STON2: variants seen among roughly 807,000 people sequenced by gnomAD.
STON2 encodes stonin-2.
Under a neutral mutation model 65.7 loss-of-function variants are expected in STON2, and 29 were observed. The ratio of observed to expected loss-of-function variants is 0.44; its 90% CI spans 0.33 to 0.60. STON2 has a LOEUF of 0.60. Ranked by LOEUF, STON2 falls within the 20% of genes least tolerant of loss-of-function variation. The probability of loss-of-function intolerance (pLI) is 0.03; values close to 1 mark genes in which losing one functional copy is unlikely to be tolerated. For missense variants in STON2, 1,054 were observed against 1,118.1 expected (o/e 0.94, Z 0.82); for synonymous variants, 404 against 414.2 (o/e 0.98, Z 0.30).
rs894014238 is a variant in STON2 at position 81,266,937 on chromosome 14, C to T, written c.*1477G>A. 1.3e-4 allele frequency: 126 copies of T among 984,772 alleles called. No homozygotes were observed. Among genetic ancestry groups the T allele is most frequent in the Non-Finnish European group, 1.4e-4 (120 of 829,460 alleles). The allele number at this position is 984,772 out of a possible 1,614,324, so 61.0% of individuals were successfully genotyped here. ...GCCTATTCAATCATCATTTTACTTT[C>T]AGTCTTAGTTCAGATATTTCAAAAT... On this transcript the variant is annotated 3_prime_UTR_variant, in exon 8 of 8. Coordinates refer to ENST00000614646, the MANE Select transcript of STON2 (RefSeq NM_001394390.1).
chr14:81,323,844 TA>T (rs1896907952), intron 5 of STON2, among the ~76,000 whole-genome samples, 172 bp downstream of exon 5: 1 of 152,170 alleles, frequency 6.6e-6, no homozygotes, highest in African/African-American at 2.4e-5. Context: ...TTACAACTTC[TA>T]ATAAACCCTC....
chr14:81,422,232 G>A (rs1015430406), intron 2 of STON2, among the ~76,000 whole-genome samples: 5 of 152,142 alleles, frequency 3.3e-5, no homozygotes, highest in African/African-American at 9.7e-5. Flanking sequence ...TCACAGGAGT[G>A]AGTGAGTTCT....
At chr14:81,366,493 A>G (rs555227466) in intron 4 of STON2, among the ~76,000 whole-genome samples, 1 of 152,110 alleles carries the variant, frequency 6.6e-6, no homozygotes, top group East Asian at 1.9e-4. Context: ...AGCTCAGCTG[A>G]GGGAGCTCCG....
At chr14:81,357,680 CAT>C (rs1898304422) in intron 4 of STON2, among the ~76,000 whole-genome samples, 1 of 152,066 alleles carries the variant, frequency 6.6e-6, no homozygotes, top group Non-Finnish European at 1.5e-5. Context: ...AAATGTGGCA[CAT>C]ATACACCATG....
chr14:81,367,108 T>C (rs1361253910), intron 4 of STON2, among the ~76,000 whole-genome samples: 2 of 152,154 alleles, frequency 1.3e-5, no homozygotes, highest in Non-Finnish European at 2.9e-5. Flanking sequence ...GGGCATCACC[T>C]GGCTGGAGGG....
chr14:81,365,544 T>C (rs117399963), intron 4 of STON2, among the ~76,000 whole-genome samples: 4,720 of 152,098 alleles, frequency 0.031, 119 homozygotes, highest in South Asian at 0.074. Flanking sequence ...TCACTTGAGG[T>C]TAGGAGTTCG....
At chr14:81,358,107 T>C (rs1486944828) in intron 4 of STON2, among the ~76,000 whole-genome samples, 1 of 152,082 alleles carries the variant, frequency 6.6e-6, no homozygotes, top group Non-Finnish European at 1.5e-5. Flanking sequence ...CAGAGCCATA[T>C]TCAGAATACT....
At chr14:81,324,266 AGGAG>A (rs892850812) in intron 4 of STON2, among the ~76,000 whole-genome samples, 79 bp from the exon 5 acceptor site, 2 of 152,218 alleles carry the variant, frequency 1.3e-5, no homozygotes, top group African/African-American at 4.8e-5. Flanking sequence ...CACACCCAGG[AGGAG>A]GGAGAGGCCA....
At position 81,378,662 on chromosome 14, in the gene STON2, A is replaced by G. The variant is rs1256525256; in HGVS notation, c.374-7477T>C. ...TATATTTTGTTTACTTTTGTACTGT[A>G]TATATATATTATAGCTATTCTGTAT... On this transcript the variant is annotated intron_variant, in intron 3 of 7. Transcript: ENST00000614646. Among the ~76,000 whole-genome samples, 4 of 152,204 alleles carry G rather than the reference A, an allele frequency of 2.6e-5. No individual in the cohort carries two copies. The East Asian group carries it at 5.8e-4, about 22-fold the overall frequency.
Position 81,391,743 on chromosome 14 carries a change from T to C in STON2, c.373+4151A>G, listed in dbSNP as rs79675865. Among the ~76,000 whole-genome samples the C allele has an allele frequency of 1.2e-3, 185 of 152,312 alleles. 4 individuals are homozygous for C. The East Asian group carries it at 0.032, about 27-fold the overall frequency. On this transcript the variant is annotated intron_variant, in intron 3 of 7. Coordinates refer to ENST00000614646, the MANE Select transcript of STON2 (RefSeq NM_001394390.1). ...GGGTTTCCAGGTTAGAAACACTTCT[T>C]GAGGTGGGGCTGGCCCTCCACATGG... is the stretch of plus-strand genomic sequence containing the variant.
At chr14:81,269,586 G>T in intron 7 of STON2, 1 of 985,264 alleles carries the variant, frequency 1.0e-6, no homozygotes, top group Non-Finnish European at 1.2e-6. Flanking sequence ...TTTGAGGGAG[G>T]TGCTATTTTT....
chr14:81,277,493 A>G lies in STON2; in HGVS notation c.1989T>C (p.Ser663=), dbSNP rs1894891655. The change falls in exon 6 of 8, where the codon TCT becomes TCC. Residue 663 remains serine (S), a synonymous_variant. Transcript: ENST00000614646. The part of the protein sequence containing the change: ...LTRIHILSFL[S]GLAECRLGLN... ...GGCCCAGGCGGCACTCTGCGAGCCC[A>G]GACAGGAAACTCAGGATGTGGATCC... 1 of 1,614,174 alleles carries G rather than the reference A, an allele frequency of 6.2e-7. No homozygotes were observed.
Position 81,393,082 on chromosome 14 carries a change from T to C in STON2, c.373+2812A>G, listed in dbSNP as rs533133121. Among the ~76,000 whole-genome samples the C allele has an allele frequency of 1.5e-4, 23 of 152,300 alleles. 1 individual carries two copies. The highest frequency in any genetic ancestry group is 5.2e-4 in the Admixed American group (8 of 15,294). On this transcript the variant is annotated intron_variant, in intron 3 of 7. Transcript: ENST00000614646. ...GCCTTAAAGGGTAAAGCTTTCACAATATATCAAAAGCATTGTCAGTCACAA... is the reference window on the plus strand; with the variant it reads ...GCCTTAAAGGGTAAAGCTTTCACAACATATCAAAAGCATTGTCAGTCACAA...
At chr14:81,336,737 G>A (rs1595367059) in intron 4 of STON2, among the ~76,000 whole-genome samples, 1 of 152,060 alleles carries the variant, frequency 6.6e-6, no homozygotes, top group East Asian at 1.9e-4. Flanking sequence ...CAATGTAGAG[G>A]TAGAAAAGGT....
chr14:81,347,902 C>CAAAAAAA (rs755109204), intron 4 of STON2, among the ~76,000 whole-genome samples: 1 of 51,556 alleles, frequency 1.9e-5, no homozygotes. Context: ...TGTCTCTTAC[C>CAAAAAAA]AAAAAAAAAA....
Position 81,264,283 on chromosome 14 carries a change from G to A in STON2, c.*4131C>T, listed in dbSNP as rs575017429. On this transcript the variant is annotated 3_prime_UTR_variant, in exon 8 of 8. Coordinates refer to ENST00000614646, the MANE Select transcript of STON2 (RefSeq NM_001394390.1). ...TTTTATTACTTGACTCTGGAGGCAG[G>A]AGTAAAAGGAAAGCAAAATTATTTA... is the stretch of plus-strand genomic sequence containing the variant. The A allele has an allele frequency of 3.6e-5, 35 of 985,448 alleles. No homozygotes were observed. The East Asian group carries it at 1.2e-3, about 35-fold the overall frequency. 61.0% of individuals were successfully genotyped at this position (985,448 alleles called of 1,614,324 possible).
At chr14:81,287,968 A>C (rs1895404128) in intron 5 of STON2, among the ~76,000 whole-genome samples, 1 of 152,192 alleles carries the variant, frequency 6.6e-6, no homozygotes. Context: ...CTGTGGTCTG[A>C]TACGGCAAAC....
At chr14:81,273,538 A>C (rs542631259) in intron 6 of STON2, among the ~76,000 whole-genome samples, 43 of 152,276 alleles carry the variant, frequency 2.8e-4, no homozygotes, top group African/African-American at 1.0e-3. Flanking sequence ...GGTGCCTTCT[A>C]AGATTAAGAA....
rs1894333962 is a variant in STON2, at chr14:81,265,699, A to ATAC, written c.*2714_*2715insGTA. The ATAC allele has an allele frequency of 1.6e-6, 1 of 643,114 alleles. No homozygotes were observed. Among genetic ancestry groups the ATAC allele is most frequent in the Admixed American group, 7.0e-5 (1 of 14,228 alleles). 39.8% of individuals were successfully genotyped at this position (643,114 alleles called of 1,614,324 possible). Reference sequence around the variant, plus strand: ...ATACTCTGTCTCAATAATAATAATAATAATAATTTGTTTGCAGAATATAGA... The same window carrying ATAC: ...ATACTCTGTCTCAATAATAATAATAATACTAATAATTTGTTTGCAGAATATAGA... On this transcript the variant is annotated 3_prime_UTR_variant, in exon 8 of 8. Transcript: ENST00000614646.
Sources: gnomAD v4.1 joint callset for allele counts (sites outside exome capture counted in the v4.1 genomes callset) on GRCh38, gnomAD v4.1.1 for gene constraint, MANE v1.5 for transcripts, NCBI Gene and HGNC (gene_info 2026-07-23, HGNC 2026-07-21) for gene names.